NFIA: variants seen among roughly 807,000 people sequenced by gnomAD.
The protein encoded by NFIA is nuclear factor 1 A-type.
A neutral mutation model predicts 62.8 loss-of-function variants in NFIA; 8 were observed. The observed-to-expected ratio is 0.13, with a 90% CI of 0.07 to 0.23. The LOEUF (loss-of-function observed/expected upper bound fraction) is 0.23. Among genes scored for constraint, NFIA ranks in the 10% least tolerant of loss-of-function variants. NFIA has a pLI of 1.00. For synonymous variants in NFIA, 235 were observed against 238.1 expected (o/e 0.99, Z 0.12); for missense variants, 410 against 642.1 (o/e 0.64, Z 3.91).
intron 2 of NFIA, among the ~76,000 whole-genome samples, chr1:61,218,339 C>T (rs1653777506): frequency 6.6e-6 from 1 of 152,156 alleles, no homozygotes; most frequent in Admixed American, 6.5e-5. Flanking sequence ...GTCAAAGAAT[C>T]ACGAATTGAT....
chr1:61,184,130 A>ACCCC (rs1557620737), intron 2 of NFIA, among the ~76,000 whole-genome samples: 91 of 147,490 alleles, frequency 6.2e-4, no homozygotes, highest in Admixed American at 2.7e-3. Context: ...AAAACCAAAA[A>ACCCC]AAAAAAAAAA....
intron 6 of NFIA, among the ~76,000 whole-genome samples, chr1:61,361,108 G>A (rs1421000539): frequency 6.6e-6 from 1 of 152,202 alleles, no homozygotes; most frequent in African/African-American, 2.4e-5. Context: ...CGCAGAGATG[G>A]TGGTGTTAGT....
At chr1:61,129,131 C>T (rs1188759953) in intron 2 of NFIA, among the ~76,000 whole-genome samples, 1 of 151,796 alleles carries the variant, frequency 6.6e-6, no homozygotes, top group Non-Finnish European at 1.5e-5. Context: ...ACCGTGTTAG[C>T]CAGGATGGTC....
At chr1:61,415,979 G>C (rs544037959) in intron 9 of NFIA, among the ~76,000 whole-genome samples, 1 of 152,156 alleles carries the variant, frequency 6.6e-6, no homozygotes, top group African/African-American at 2.4e-5. Context: ...AAAATAAAAA[G>C]ATAGGTCTGT....
chr1:61,444,994 A>C (rs1035312312), intron 10 of NFIA, among the ~76,000 whole-genome samples: 1 of 152,262 alleles, frequency 6.6e-6, no homozygotes, highest in African/African-American at 2.4e-5. Context: ...CTGGTAGAGC[A>C]CTACCAAGTG....
intron 7 of NFIA, among the ~76,000 whole-genome samples, chr1:61,390,372 C>T (rs541239294): frequency 5.8e-4 from 88 of 151,800 alleles, no homozygotes; most frequent in Non-Finnish European, 1.1e-3. Context: ...AGTAAAATTG[C>T]CTGGATTCTG....
At chr1:61,156,574 GA>G (rs1648831658) in intron 2 of NFIA, among the ~76,000 whole-genome samples, 1 of 152,114 alleles carries the variant, frequency 6.6e-6, no homozygotes, top group Non-Finnish European at 1.5e-5. Flanking sequence ...CTGTTAGGCT[GA>G]AAAATTGTCC....
intron 2 of NFIA, among the ~76,000 whole-genome samples, chr1:61,135,353 T>C (rs1483914405): frequency 6.6e-6 from 1 of 152,258 alleles, no homozygotes; most frequent in African/African-American, 2.4e-5. Flanking sequence ...CCTACATCTT[T>C]AGGTTCCTAA....
At chr1:61,392,720 A>C (rs1468219806) in intron 7 of NFIA, among the ~76,000 whole-genome samples, 1 of 152,254 alleles carries the variant, frequency 6.6e-6, no homozygotes, top group African/African-American at 2.4e-5. Flanking sequence ...TCATGTTAAT[A>C]TGTTGTCCCT....
chr1:61,142,074 GT>G (rs1007331605), intron 2 of NFIA, among the ~76,000 whole-genome samples: 3 of 151,050 alleles, frequency 2.0e-5, no homozygotes, highest in East Asian at 1.9e-4. Context: ...GCCTTAGTGA[GT>G]TTTTTTTCCT....
intron 2 of NFIA, among the ~76,000 whole-genome samples, chr1:61,182,782 A>ATTTC (rs936718072): frequency 4.6e-5 from 7 of 152,212 alleles, no homozygotes; most frequent in African/African-American, 1.7e-4. Flanking sequence ...AAAAAGAGAC[A>ATTTC]TTTCATTTGC....
chr1:61,212,245 T>C (rs1234290508), intron 2 of NFIA, among the ~76,000 whole-genome samples: 1 of 152,166 alleles, frequency 6.6e-6, no homozygotes, highest in Non-Finnish European at 1.5e-5. Context: ...TCACCTTTAC[T>C]CCACTGAAAA....
intron 2 of NFIA, among the ~76,000 whole-genome samples, chr1:61,130,627 G>A (rs1477688224): frequency 2.0e-5 from 3 of 152,146 alleles, no homozygotes; most frequent in African/African-American, 4.8e-5. Flanking sequence ...GTGGCAAATT[G>A]CGAAGCTGTA....
chr1:61,148,264 G>A (rs1357806478), intron 2 of NFIA, among the ~76,000 whole-genome samples: 1 of 152,148 alleles, frequency 6.6e-6, no homozygotes, highest in Non-Finnish European at 1.5e-5. Flanking sequence ...TACCTCTGTA[G>A]CCTTCTCATC....
chr1:61,394,356 G>A (rs1361347923), intron 7 of NFIA, among the ~76,000 whole-genome samples: 2 of 152,036 alleles, frequency 1.3e-5, no homozygotes, highest in African/African-American at 2.4e-5. Flanking sequence ...TGTATTTTTA[G>A]TAGAGATGGG....
chr1:61,279,666 T>A (rs889661612), intron 3 of NFIA, among the ~76,000 whole-genome samples: 3 of 152,094 alleles, frequency 2.0e-5, no homozygotes, highest in Non-Finnish European at 4.4e-5. Context: ...AGTTCGCGTA[T>A]TTAGGTCTGG....
At chr1:61,327,524 A>G (rs1006566768) in intron 3 of NFIA, among the ~76,000 whole-genome samples, 1 of 152,052 alleles carries the variant, frequency 6.6e-6, no homozygotes, top group African/African-American at 2.4e-5. Flanking sequence ...TTAGTTTTCC[A>G]TTCCTGAGTT....
chr1:61,443,707 C>T (rs561057980), intron 10 of NFIA, among the ~76,000 whole-genome samples: 1 of 152,206 alleles, frequency 6.6e-6, no homozygotes, highest in Non-Finnish European at 1.5e-5. Flanking sequence ...CACTTGCTTG[C>T]TGTTATAGAT....
chr1:61,439,037 A>ACACC (rs1228457447), intron 10 of NFIA, among the ~76,000 whole-genome samples: 2 of 147,476 alleles, frequency 1.4e-5, no homozygotes, highest in East Asian at 4.0e-4. Context: ...ACACACACAC[A>ACACC]CACCTGCTAC....
Sources: allele counts gnomAD v4.1 joint callset (sites outside exome capture counted in the v4.1 genomes callset), GRCh38; gene constraint gnomAD v4.1.1; transcripts MANE v1.5; gene names NCBI Gene and HGNC (gene_info 2026-07-23, HGNC 2026-07-21).